The following TMTC1 variants were observed in gnomAD, a reference collection of about 807,000 sequenced individuals.
TMTC1 encodes transmembrane O-mannosyltransferase targeting cadherins 1.
TMTC1 carries 73 observed loss-of-function variants against 104.8 expected under a neutral mutation model. The ratio of observed to expected loss-of-function variants is 0.70; its 90% confidence interval spans 0.58 to 0.85. TMTC1 has a LOEUF of 0.85. Among genes scored for constraint, TMTC1 ranks in the 40% least tolerant of loss-of-function variants. TMTC1 has a pLI of 0.00. For missense variants in TMTC1, 1,035 were observed against 1,096.1 expected, an observed-to-expected ratio of 0.94 and a Z score of 0.79; for synonymous variants, 434 against 428.7, an observed-to-expected ratio of 1.01 and a Z score of -0.15.
intron 9 of TMTC1, among the ~76,000 whole-genome samples, chr12:29,558,262 T>G (rs956036255): frequency 2.6e-5 from 4 of 152,140 alleles, no homozygotes; most frequent in Admixed American, 2.6e-4. Context: ...AATGTAGAAA[T>G]GCCAAGATAA....
intron 6 of TMTC1, among the ~76,000 whole-genome samples, chr12:29,614,482 A>G (rs1203649528): frequency 3.3e-5 from 5 of 152,214 alleles, no homozygotes; most frequent in Admixed American, 2.6e-4. Context: ...CCTAACTGCC[A>G]TGGCTTAAAA....
chr12:29,751,169 A>G (rs955419278), intron 5 of TMTC1, among the ~76,000 whole-genome samples: 2 of 152,252 alleles, frequency 1.3e-5, no homozygotes, highest in African/African-American at 4.8e-5. Context: ...TAATTTTCAC[A>G]GCTAGGTCAA....
chr12:29,522,982 C>T (rs962417330), intron 11 of TMTC1, among the ~76,000 whole-genome samples: 2 of 152,180 alleles, frequency 1.3e-5, no homozygotes, highest in African/African-American at 4.8e-5. Context: ...CTCATAGCTA[C>T]ATGGGGACAG....
intron 5 of TMTC1, among the ~76,000 whole-genome samples, chr12:29,694,800 C>T (rs1386536780): frequency 1.3e-5 from 2 of 152,070 alleles, no homozygotes; most frequent in Admixed American, 6.6e-5. Flanking sequence ...ATTAGCCAGG[C>T]ATGATGGTGG....
intron 5 of TMTC1, among the ~76,000 whole-genome samples, chr12:29,705,198 G>A (rs1347593038): frequency 3.9e-5 from 6 of 152,164 alleles, no homozygotes; most frequent in African/African-American, 4.8e-5. Flanking sequence ...TATCACCACC[G>A]TGGTGTAATA....
intron 5 of TMTC1, among the ~76,000 whole-genome samples, chr12:29,726,459 T>G (rs1942394303): frequency 6.6e-6 from 1 of 152,062 alleles, no homozygotes; most frequent in Non-Finnish European, 1.5e-5. Context: ...CCCTAGATTT[T>G]TAGTAAAGTC....
intron 1 of TMTC1, among the ~76,000 whole-genome samples, chr12:29,773,869 C>T (rs1943649107): frequency 6.6e-6 from 1 of 152,124 alleles, no homozygotes; most frequent in African/African-American, 2.4e-5. Context: ...AGAAAGTCCA[C>T]CTCAATGGCA....
Position 29,520,641 on chromosome 12 carries a change from T to A in TMTC1, c.1865A>T (p.Tyr622Phe), listed in dbSNP as rs750998855. The A allele has an allele frequency of 6.2e-7, 1 of 1,613,660 alleles. No individual in the cohort carries two copies. Among genetic ancestry groups the A allele is most frequent in the Admixed American group, 1.7e-5 (1 of 59,930 alleles). ...CPDSSDLHNN[Y>F]GVFLVDTGLP... ...ACCAGTATCAACTAAGAAAACCCCA[T>A]AGTTGTTGTGTAAATCTGAGCTGTC... is the stretch of plus-strand genomic sequence containing the variant. Residue 622 changes from tyrosine (Y) to phenylalanine (F), a missense_variant, in exon 12 of 18, where the codon TAT becomes TTT. Tyr to Phe is a conservative substitution (Grantham distance 22). Transcript: ENST00000539277.
At chr12:29,695,828 T>TATATATATATATATATATATAA (rs1243156784) in intron 5 of TMTC1, among the ~76,000 whole-genome samples, 1 of 106,174 alleles carries the variant, frequency 9.4e-6, no homozygotes. Flanking sequence ...TATATATATA[T>TATATATATATATATATATATAA]AACCTGTCTT....
chr12:29,565,870 C>G (rs1314432421), intron 9 of TMTC1, among the ~76,000 whole-genome samples: 1 of 152,136 alleles, frequency 6.6e-6, no homozygotes, highest in East Asian at 1.9e-4. Context: ...CAAAAAACCA[C>G]AGTATAAAGA....
intron 10 of TMTC1, among the ~76,000 whole-genome samples, chr12:29,554,424 A>G (rs1945185090): frequency 1.3e-5 from 2 of 152,018 alleles, no homozygotes; most frequent in Admixed American, 6.5e-5. Flanking sequence ...ATGGAAAAGG[A>G]CTGTTGAATG....
At chr12:29,565,730 C>T (rs4931204) in intron 9 of TMTC1, among the ~76,000 whole-genome samples, 85,012 of 151,942 alleles carry the variant, frequency 0.56, 26,157 homozygotes, top group South Asian at 0.69. Flanking sequence ...GCCTGTAATC[C>T]CAGTTACTTG....
At chr12:29,660,021 A>G in intron 5 of TMTC1, 1 of 1,456,808 alleles carries the variant, frequency 6.9e-7, no homozygotes, top group Non-Finnish European at 9.3e-7. Context: ...ATTGCCACCA[A>G]TAATCTCCAC....
At chr12:29,646,018 T>C (rs1939250800) in intron 5 of TMTC1, among the ~76,000 whole-genome samples, 1 of 152,198 alleles carries the variant, frequency 6.6e-6, no homozygotes, top group South Asian at 2.1e-4. Context: ...TGCACACATA[T>C]GACAGAGTTT....
intron 6 of TMTC1, among the ~76,000 whole-genome samples, chr12:29,620,613 T>C (rs1006001072): frequency 2.6e-5 from 4 of 152,232 alleles, no homozygotes; most frequent in East Asian, 1.9e-4. Context: ...CATTTTATAA[T>C]GAGGTACAGA....
At chr12:29,608,409 G>A (rs1284810914) in intron 6 of TMTC1, among the ~76,000 whole-genome samples, 1 of 152,160 alleles carries the variant, frequency 6.6e-6, no homozygotes, top group African/African-American at 2.4e-5. Context: ...GACAAAGAAC[G>A]AATGGAAATT....
At chr12:29,745,971 C>A (rs187887406) in intron 5 of TMTC1, among the ~76,000 whole-genome samples, 25 of 152,178 alleles carry the variant, frequency 1.6e-4, no homozygotes, top group Admixed American at 8.5e-4. Flanking sequence ...GAAATGTGGA[C>A]CAGCTTATTT....
intron 3 of TMTC1, among the ~76,000 whole-genome samples, chr12:29,757,809 G>A (rs1044851667): frequency 1.3e-5 from 2 of 152,180 alleles, no homozygotes; most frequent in African/African-American, 4.8e-5. Flanking sequence ...ATGGCGGCAG[G>A]CAAAGAGAGC....
At chr12:29,768,143 A>G (rs910747508) in intron 1 of TMTC1, 68 bp from the exon 2 acceptor site, 1 of 1,064,312 alleles carries the variant, frequency 9.4e-7, no homozygotes, top group Non-Finnish European at 1.3e-6. Context: ...CAAGGAACAC[A>G]GACGGAATCC....
Sources: gnomAD v4.1 joint callset for allele counts (sites outside exome capture counted in the v4.1 genomes callset) on GRCh38, gnomAD v4.1.1 for gene constraint, MANE v1.5 for transcripts, NCBI Gene and HGNC (gene_info 2026-07-23, HGNC 2026-07-21) for gene names.